Variants in GRID1 observed in about 807,000 individuals in gnomAD.
GRID1 encodes the protein glutamate receptor ionotropic, delta-1.
A neutral mutation model predicts 98.0 loss-of-function variants in GRID1; 28 were observed. The ratio of observed to expected loss-of-function variants is 0.29; its 90% confidence interval spans 0.21 to 0.39. The LOEUF (loss-of-function observed/expected upper bound fraction) is 0.39. Ranked by LOEUF, GRID1 falls within the 10% of genes least tolerant of loss-of-function variation. The probability of loss-of-function intolerance (pLI) is 1.00; values close to 1 mark genes in which losing one functional copy is unlikely to be tolerated. For missense variants in GRID1, 1,111 were observed against 1,340.5 expected (o/e 0.83, Z 2.67); for synonymous variants, 553 against 538.5 (o/e 1.03, Z -0.37).
chr10:85,701,267 T>C (rs1841448518), intron 12 of GRID1, among the ~76,000 whole-genome samples: 1 of 152,110 alleles, frequency 6.6e-6, no homozygotes, highest in Non-Finnish European at 1.5e-5. Flanking sequence ...CAACGGAAAA[T>C]GCCTAGGTTC....
chr10:85,877,710 G>T (rs1388965613), intron 5 of GRID1, among the ~76,000 whole-genome samples: 1 of 152,232 alleles, frequency 6.6e-6, no homozygotes, highest in Non-Finnish European at 1.5e-5. Context: ...AAAAAGCAGA[G>T]CACCTCTCCT....
At chr10:85,776,362 G>A (rs143604938) in intron 8 of GRID1, among the ~76,000 whole-genome samples, 2 of 152,308 alleles carry the variant, frequency 1.3e-5, no homozygotes, top group East Asian at 1.9e-4. Context: ...AACAAAGAAC[G>A]TAGAGCAGAC....
chr10:86,062,885 G>T (rs1213801894), intron 4 of GRID1, among the ~76,000 whole-genome samples: 1 of 152,236 alleles, frequency 6.6e-6, no homozygotes, highest in Non-Finnish European at 1.5e-5. Flanking sequence ...GGGGCCCAAA[G>T]CTTTCCCTCA....
chr10:86,348,339 G>A (rs1292023692), intron 2 of GRID1, among the ~76,000 whole-genome samples: 5 of 152,202 alleles, frequency 3.3e-5, no homozygotes, highest in Non-Finnish European at 2.9e-5. Flanking sequence ...GCAATGAGGC[G>A]GCCCCGGCCC....
chr10:85,799,368 T>C (rs993791782), intron 8 of GRID1, among the ~76,000 whole-genome samples: 1 of 152,122 alleles, frequency 6.6e-6, no homozygotes, highest in Non-Finnish European at 1.5e-5. Context: ...TTTTCTTCTA[T>C]ATATGAAAAA....
chr10:86,158,980 G>A (rs962655935), intron 3 of GRID1, among the ~76,000 whole-genome samples: 1 of 152,010 alleles, frequency 6.6e-6, no homozygotes, highest in African/African-American at 2.4e-5. Flanking sequence ...TGCAAGTTCC[G>A]CCTCCCGGGT....
intron 4 of GRID1, among the ~76,000 whole-genome samples, chr10:86,121,313 ATCATCACC>A (rs1280910708): frequency 2.0e-5 from 3 of 151,990 alleles, no homozygotes; most frequent in African/African-American, 7.3e-5. Context: ...CACCATCACC[ATCATCACC>A]ACATCACCAT....
chr10:86,121,446 AATC>A (rs756601922), intron 4 of GRID1, among the ~76,000 whole-genome samples: 43 of 14,720 alleles, frequency 2.9e-3, no homozygotes, highest in East Asian at 7.6e-3. Flanking sequence ...TCATTAACAT[AATC>A]ATCATCATCA....
chr10:86,229,475 G>A (rs141441727), intron 2 of GRID1, among the ~76,000 whole-genome samples: 8 of 152,322 alleles, frequency 5.3e-5, no homozygotes, highest in South Asian at 2.1e-4. Context: ...TAATAGCCCC[G>A]CCTCACAGGC....
intron 10 of GRID1, among the ~76,000 whole-genome samples, chr10:85,725,222 A>T (rs1371286059): frequency 6.6e-6 from 1 of 152,234 alleles, no homozygotes; most frequent in Non-Finnish European, 1.5e-5. Context: ...TTAACATATT[A>T]GCCAGTGAGT....
intron 4 of GRID1, among the ~76,000 whole-genome samples, chr10:85,997,449 AG>A (rs1434054729): frequency 6.6e-6 from 1 of 152,152 alleles, no homozygotes; most frequent in Admixed American, 6.5e-5. Flanking sequence ...ATGAACGTAG[AG>A]GGAACTAAAT....
At chr10:86,205,475 C>A (rs765375588) in intron 3 of GRID1, among the ~76,000 whole-genome samples, 3 of 152,204 alleles carry the variant, frequency 2.0e-5, no homozygotes, top group Non-Finnish European at 4.4e-5. Flanking sequence ...AAATCCACAC[C>A]TGCAAGAACA....
Position 86,170,916 on chromosome 10 carries a change from GA to G in GRID1, c.521-31893del, listed in dbSNP as rs1191529130. Among the ~76,000 whole-genome samples the G allele has an allele frequency of 2.0e-5, 3 of 152,166 alleles. No homozygotes were observed. The East Asian group carries it at 5.8e-4, about 29-fold the overall frequency. The stretch of plus-strand genomic sequence containing the variant: ...AGGTTCTCCTCTACACTCAAGTCAA[GA>G]AAAACGTTTACCCCCCACGCTTCCT... On this transcript the variant is annotated intron_variant, in intron 3 of 15. Coordinates refer to ENST00000327946, the MANE Select transcript of GRID1 (RefSeq NM_017551.3).
chr10:85,631,433 A>C (rs1842974455), intron 13 of GRID1, among the ~76,000 whole-genome samples: 1 of 152,232 alleles, frequency 6.6e-6, no homozygotes, highest in African/African-American at 2.4e-5. Flanking sequence ...TTATGGCTGC[A>C]TTCCCTTTTG....
At chr10:85,855,840 C>T (rs1231954815) in intron 7 of GRID1, among the ~76,000 whole-genome samples, 189 bp downstream of exon 7, 1 of 152,180 alleles carries the variant, frequency 6.6e-6, no homozygotes, top group African/African-American at 2.4e-5. Flanking sequence ...AGTATGTATT[C>T]ATGGACCACA....
intron 8 of GRID1, among the ~76,000 whole-genome samples, chr10:85,815,134 T>C (rs1842704431): frequency 1.3e-5 from 2 of 151,974 alleles, no homozygotes; most frequent in Non-Finnish European, 2.9e-5. Flanking sequence ...ATGATCACAC[T>C]GAAAACCTGA....
At chr10:85,852,855 C>G (rs1843073389) in intron 8 of GRID1, among the ~76,000 whole-genome samples, 2 of 152,182 alleles carry the variant, frequency 1.3e-5, no homozygotes, top group Admixed American at 1.3e-4. Flanking sequence ...GCAGGTCACA[C>G]CCTGGCCCTA....
intron 5 of GRID1, among the ~76,000 whole-genome samples, chr10:85,893,043 C>G (rs559278561): frequency 9.2e-5 from 14 of 151,972 alleles, no homozygotes; most frequent in Admixed American, 7.9e-4. Flanking sequence ...TGAAAAAAGA[C>G]AAAAATATTC....
In GRID1 at chr10:86,239,472, C is replaced by A. The variant is rs544885867; in HGVS notation, c.236-32824G>T. Among the ~76,000 whole-genome samples, 186 of 152,182 alleles carry A rather than the reference C, an allele frequency of 1.2e-3. 5 individuals carry two copies. Among genetic ancestry groups the A allele is most frequent in the Admixed American group, 0.012 (184 of 15,286 alleles). Reference sequence around the variant, plus strand: ...GTTGAGAAGGGTTGATTGTATTTTGCAATGTGATAAAAAATGAGACTTGGG... The same window carrying A: ...GTTGAGAAGGGTTGATTGTATTTTGAAATGTGATAAAAAATGAGACTTGGG... On this transcript the variant is annotated intron_variant, in intron 2 of 15. Transcript: ENST00000327946.
Sources: gnomAD v4.1 joint callset for allele counts (sites outside exome capture counted in the v4.1 genomes callset) on GRCh38, gnomAD v4.1.1 for gene constraint, MANE v1.5 for transcripts, NCBI Gene and HGNC (gene_info 2026-07-23, HGNC 2026-07-21) for gene names.